Variants in ITGA4 observed in about 807,000 individuals in gnomAD.
ITGA4 encodes the protein integrin alpha-4.
In ITGA4, 63 loss-of-function variants were observed where a neutral mutation model predicts 133.6. The ratio of observed to expected loss-of-function variants is 0.47; its 90% CI spans 0.38 to 0.58. ITGA4 has a LOEUF of 0.58. Among genes scored for constraint, ITGA4 ranks in the 20% least tolerant of loss-of-function variants. ITGA4 has a pLI of 0.00. For missense variants in ITGA4, 1,076 were observed against 1,252.7 expected, an observed-to-expected ratio of 0.86 and a Z score of 2.13; for synonymous variants, 483 against 438.0, an observed-to-expected ratio of 1.10 and a Z score of -1.28.
chr2:181,531,785 G>A lies in ITGA4; in HGVS notation c.2784+9G>A, dbSNP rs1350281758. On this transcript the variant is annotated intron_variant, in intron 25 of 27. Transcript: ENST00000397033. ...CATCCATTTTAGAAATGGTAAGTAAGTCTAAAACATTGACAACTTGGTGGC... is the reference window on the plus strand; with the variant it reads ...CATCCATTTTAGAAATGGTAAGTAAATCTAAAACATTGACAACTTGGTGGC... 1 of 1,588,780 alleles carries A rather than the reference G, an allele frequency of 6.3e-7. No individual in the cohort carries two copies. The highest frequency in any genetic ancestry group is 1.2e-5 in the South Asian group (1 of 86,136).
At chr2:181,476,694 A>G (rs1411479584) in intron 4 of ITGA4, among the ~76,000 whole-genome samples, 2 of 152,272 alleles carry the variant, frequency 1.3e-5, no homozygotes, top group East Asian at 1.9e-4. Flanking sequence ...GGTGTTAGCA[A>G]TAGCAAAGAC....
rs1686779286 is a variant in ITGA4, at chr2:181,523,883, TCTCCA to T, written c.2170-284_2170-280del. On this transcript the variant is annotated intron_variant, in intron 19 of 27. Coordinates refer to ENST00000397033, the MANE Select transcript of ITGA4 (RefSeq NM_000885.6). The surrounding 1 kb of genome is among the most constrained non-coding windows in gnomAD (Gnocchi z 4.2). ...TACAAAAAGGTGTTTTTGGCAAGAGTCTCCACTCAAGTTGTGAAAGCATTTCTAAT... is the reference window on the plus strand; with the variant it reads ...TACAAAAAGGTGTTTTTGGCAAGAGTCTCAAGTTGTGAAAGCATTTCTAAT... 6.6e-6 allele frequency among the ~76,000 whole-genome samples: 1 copy of T among 151,866 alleles called. No homozygotes were observed. Among genetic ancestry groups the T allele is most frequent in the African/African-American group, 2.4e-5 (1 of 41,342 alleles).
At chr2:181,535,401 TAC>T (rs768449632) in intron 27 of ITGA4, 29 bp from the exon 28 acceptor site, 3 of 1,516,412 alleles carry the variant, frequency 2.0e-6, no homozygotes, top group Non-Finnish European at 2.7e-6. Flanking sequence ...TTCATAACTA[TAC>T]ACTAGTGATT....
chr2:181,501,385 G>C (rs1686265116), intron 15 of ITGA4, among the ~76,000 whole-genome samples: 1 of 152,144 alleles, frequency 6.6e-6, no homozygotes, highest in Non-Finnish European at 1.5e-5. Context: ...TGGAAGAAGA[G>C]ATTATATAGA....
intron 2 of ITGA4, among the ~76,000 whole-genome samples, chr2:181,464,981 A>G (rs1685377561): frequency 6.6e-6 from 1 of 152,120 alleles, no homozygotes; most frequent in African/African-American, 2.4e-5. Flanking sequence ...TATGTAAAAC[A>G]CTATAATTCA....
chr2:181,487,382 A>G (rs1685946265), intron 10 of ITGA4, among the ~76,000 whole-genome samples: 1 of 152,082 alleles, frequency 6.6e-6, no homozygotes, highest in Admixed American at 6.6e-5. Flanking sequence ...CTTCCTAGAA[A>G]GGGGACGGGA....
intron 15 of ITGA4, among the ~76,000 whole-genome samples, chr2:181,499,826 C>T (rs1414915309): frequency 2.6e-5 from 4 of 151,988 alleles, no homozygotes; most frequent in African/African-American, 9.7e-5. Context: ...ATTGTAGAGA[C>T]AAATATTGAA....
chr2:181,501,662 G>C (rs1291609925), intron 15 of ITGA4, among the ~76,000 whole-genome samples: 1 of 152,152 alleles, frequency 6.6e-6, no homozygotes, highest in African/African-American at 2.4e-5. Flanking sequence ...TGAGAGACTG[G>C]ATGTCTGGCA....
intron 17 of ITGA4, among the ~76,000 whole-genome samples, chr2:181,515,790 T>C (rs1485082576): frequency 6.6e-6 from 1 of 152,112 alleles, no homozygotes; most frequent in Non-Finnish European, 1.5e-5. Context: ...CACAGAGGTG[T>C]CCTCTCTCCT....
Position 181,523,736 on chromosome 2 carries a change from G to T in ITGA4, c.2169+204G>T, listed in dbSNP as rs1415393256. 6.6e-6 allele frequency among the ~76,000 whole-genome samples: 1 copy of T among 152,080 alleles called. No individual in the cohort carries two copies. Among genetic ancestry groups the T allele is most frequent in the Non-Finnish European group, 1.5e-5 (1 of 68,014 alleles). ...TTTGCTGTTTTAAAGGGGGTGGCAT[G>T]TTTACATCGAAATGGGCATGTGCAT... On this transcript the variant is annotated intron_variant, in intron 19 of 27. Transcript: ENST00000397033. The surrounding 1 kb of genome is among the most constrained non-coding windows in gnomAD (Gnocchi z 4.2).
In ITGA4 at chr2:181,474,942, T is replaced by C; in HGVS notation, c.320-18T>C. On this transcript the variant is annotated intron_variant, in intron 2 of 27. Transcript: ENST00000397033. ...ATGTTTTCAATACAACTGATAAAAT[T>C]ATTTTCACATGCTATAGGTAGCCCT... 6.3e-7 allele frequency: 1 copy of C among 1,581,338 alleles called. No homozygotes were observed. Among genetic ancestry groups the C allele is most frequent in the Admixed American group, 1.7e-5 (1 of 59,060 alleles).
At chr2:181,512,948 T>C (rs149077074) in intron 17 of ITGA4, among the ~76,000 whole-genome samples, 2 of 152,222 alleles carry the variant, frequency 1.3e-5, no homozygotes, top group African/African-American at 4.8e-5. Context: ...AAGAATAAAT[T>C]GGAGGGAGAC....
chr2:181,482,711 G>C (rs982517667), intron 9 of ITGA4, 60 bp downstream of exon 9: 1 of 1,508,924 alleles, frequency 6.6e-7, no homozygotes, highest in Non-Finnish European at 9.2e-7. Context: ...ACTCAAATTG[G>C]TCTTATTCCA....
At chr2:181,468,099 G>T (rs376544260) in intron 2 of ITGA4, among the ~76,000 whole-genome samples, 1 of 152,148 alleles carries the variant, frequency 6.6e-6, no homozygotes, top group Non-Finnish European at 1.5e-5. Flanking sequence ...ATCCAAGCAC[G>T]TCACACATAT....
Position 181,527,350 on chromosome 2 carries a change from A to G in ITGA4, c.2393A>G (p.Glu798Gly). The G allele has an allele frequency of 1.2e-6, 2 of 1,613,196 alleles. No individual in the cohort carries two copies. The highest frequency in any genetic ancestry group is 1.7e-6 in the Non-Finnish European group (2 of 1,179,202). ...VYGSNDENEPETCMVEKMNLT... is the reference protein window; with the variant it reads ...VYGSNDENEPGTCMVEKMNLT... ...GGATCAAATGATGAAAATGAGCCTG[A>G]AACGTGCATGGTGGAGAAAATGAAC... Residue 798 changes from glutamate (E) to glycine (G), a missense_variant, in exon 22 of 28, where the codon GAA becomes GGA. By Grantham distance (98) the Glu-to-Gly change is moderately conservative. Around this residue, in one of 4 missense-constraint regions of ITGA4, gnomAD observed 365 missense variants for 421.4 expected, o/e 0.87. Transcript: ENST00000397033.
chr2:181,523,363 A>G lies in ITGA4; in HGVS notation c.2074-74A>G. ...TTCTGGGATGATATTCTTTTCAATA[A>G]CCATCCTTAAACATATGTTACAAAC... is the stretch of plus-strand genomic sequence containing the variant. On this transcript the variant is annotated intron_variant, in intron 18 of 27. Transcript: ENST00000397033. This position sits in a 1 kb window ranked among gnomAD's most constrained non-coding sequence, Gnocchi z 4.2. The G allele has an allele frequency of 1.2e-6, 1 of 829,504 alleles. No individual in the cohort carries two copies. The highest frequency in any genetic ancestry group is 2.1e-6 in the Non-Finnish European group (1 of 485,188). 51.4% of individuals were successfully genotyped at this position (829,504 alleles called of 1,614,324 possible).
chr2:181,471,917 C>T (rs965449268), intron 2 of ITGA4, among the ~76,000 whole-genome samples: 36 of 152,312 alleles, frequency 2.4e-4, no homozygotes, highest in African/African-American at 8.4e-4. Context: ...ATGAGCCACA[C>T]TGGAAATAAA....
At chr2:181,481,490 T>A (rs1229617402) in intron 6 of ITGA4, 108 bp from the exon 7 acceptor site, 2 of 444,564 alleles carry the variant, frequency 4.5e-6, no homozygotes, top group African/African-American at 4.0e-5. Context: ...AACTGCTTAA[T>A]GTAGTGATTT....
intron 15 of ITGA4, 163 bp downstream of exon 15, chr2:181,498,940 C>T: frequency 1.1e-6 from 1 of 942,806 alleles, no homozygotes; most frequent in Non-Finnish European, 1.3e-6. Flanking sequence ...ACAATCTCAA[C>T]CCAAGTAATT....
Sources: gnomAD v4.1 joint callset for allele counts (sites outside exome capture counted in the v4.1 genomes callset) on GRCh38, gnomAD v4.1.1 for gene constraint, gnomAD v4.1.1 regional missense constraint, Gnocchi (gnomAD v3.1) non-coding constraint, MANE v1.5 for transcripts, NCBI Gene and HGNC (gene_info 2026-07-23, HGNC 2026-07-21) for gene names.